Variants in PITPNC1 observed in about 807,000 individuals in gnomAD.
The protein encoded by PITPNC1 is phosphatidylinositol transfer protein cytoplasmic 1.
In PITPNC1, 18 loss-of-function variants were observed where a neutral mutation model predicts 44.7. The observed-to-expected ratio is 0.40, with a 90% CI of 0.28 to 0.60. The LOEUF is 0.60. PITPNC1 is among the 20% of genes least tolerant of loss of function. The pLI, the probability that PITPNC1 is intolerant of heterozygous loss-of-function variation, is 0.39. For synonymous variants in PITPNC1, 141 were observed against 149.6 expected (o/e 0.94, Z 0.42); for missense variants, 290 against 418.4 (o/e 0.69, Z 2.68).
At chr17:67,543,372 T>C (rs2040634678) in intron 2 of PITPNC1, among the ~76,000 whole-genome samples, 1 of 152,206 alleles carries the variant, frequency 6.6e-6, no homozygotes, top group African/African-American at 2.4e-5. Context: ...TACCAGTGAA[T>C]GGGAGAAAGG....
intron 2 of PITPNC1, among the ~76,000 whole-genome samples, chr17:67,536,099 A>G (rs1015883479): frequency 1.3e-5 from 2 of 152,242 alleles, no homozygotes; most frequent in African/African-American, 2.4e-5. Context: ...GAAGAAATTG[A>G]TAAACAACTA....
intron 1 of PITPNC1, among the ~76,000 whole-genome samples, chr17:67,388,760 A>G (rs1430759074): frequency 6.6e-6 from 1 of 152,014 alleles, no homozygotes; most frequent in Admixed American, 6.6e-5. Flanking sequence ...AGCTGAGACT[A>G]CAGACTAGCA....
Position 67,472,928 on chromosome 17 carries a change from T to C in PITPNC1, c.49-59874T>C, listed in dbSNP as rs541344151. 4.6e-5 allele frequency among the ~76,000 whole-genome samples: 7 copies of C among 151,572 alleles called. 1 individual carries two copies. The East Asian group carries it at 9.8e-4, about 21-fold the overall frequency. On this transcript the variant is annotated intron_variant, in intron 1 of 8. Coordinates refer to ENST00000581322, the MANE Select transcript of PITPNC1 (RefSeq NM_012417.4). ...TCTTGCTCTGTAGCCCAGGCTGGAG[T>C]GCAGTGGCCTGATCTCGGCTCACTG...
intron 1 of PITPNC1, among the ~76,000 whole-genome samples, chr17:67,392,449 G>C (rs1254077320): frequency 3.1e-4 from 47 of 152,072 alleles, no homozygotes; most frequent in Non-Finnish European, 5.9e-5. Context: ...TCGCCATGTT[G>C]CCCAGGCTGG....
chr17:67,644,398 C>G (rs2042123458), intron 6 of PITPNC1, among the ~76,000 whole-genome samples: 1 of 150,916 alleles, frequency 6.6e-6, no homozygotes, highest in South Asian at 2.1e-4. Context: ...TTCTTCAGTT[C>G]CATCTCATGG....
Position 67,534,640 on chromosome 17 carries a change from A to G in PITPNC1, c.197+1690A>G, listed in dbSNP as rs190006076. Among the ~76,000 whole-genome samples the G allele has an allele frequency of 2.6e-5, 4 of 151,244 alleles. No individual in the cohort carries two copies. In the East Asian group the frequency reaches 7.7e-4, roughly 29 times the overall value. ...GGTGACACAGTGAGACCTTGTCTCA[A>G]AAAAAAAGAAAAGAAAAGAAAAGAA... On this transcript the variant is annotated intron_variant, in intron 2 of 8. Coordinates refer to ENST00000581322, the MANE Select transcript of PITPNC1 (RefSeq NM_012417.4).
At chr17:67,610,805 C>T (rs2041677413) in intron 5 of PITPNC1, among the ~76,000 whole-genome samples, 1 of 151,768 alleles carries the variant, frequency 6.6e-6, no homozygotes, top group South Asian at 2.1e-4. Flanking sequence ...CCTGTAGTCC[C>T]AGCTACTCGG....
chr17:67,595,473 G>A lies in PITPNC1; in HGVS notation c.366+17216G>A, dbSNP rs904547789. Among the ~76,000 whole-genome samples, 54 of 150,076 alleles carry A rather than the reference G, an allele frequency of 3.6e-4. 1 individual carries two copies. Among genetic ancestry groups the A allele is most frequent in the African/African-American group, 1.3e-3 (54 of 40,778 alleles). On this transcript the variant is annotated intron_variant, in intron 5 of 8. Transcript: ENST00000581322. ...TTTAGTTTTTTTTTTTTTTTAATGT[G>A]GGGCAAGGGGATAATAGGAGCTGAG...
At chr17:67,528,307 G>A (rs1283343114) in intron 1 of PITPNC1, among the ~76,000 whole-genome samples, 1 of 152,234 alleles carries the variant, frequency 6.6e-6, no homozygotes, top group Non-Finnish European at 1.5e-5. Flanking sequence ...CTCCCAAAGT[G>A]CTGGAATTAC....
chr17:67,593,070 C>T (rs1243991631), intron 5 of PITPNC1, among the ~76,000 whole-genome samples: 1 of 152,042 alleles, frequency 6.6e-6, no homozygotes, highest in Admixed American at 6.6e-5. Context: ...TGGATCCCTA[C>T]CTCACTCCAT....
At chr17:67,390,980 C>T (rs905850805) in intron 1 of PITPNC1, among the ~76,000 whole-genome samples, 10 of 151,952 alleles carry the variant, frequency 6.6e-5, no homozygotes, top group Admixed American at 5.9e-4. Context: ...CCTCATCGGA[C>T]GTTAGTGGAA....
intron 5 of PITPNC1, among the ~76,000 whole-genome samples, chr17:67,625,662 G>A (rs904154864): frequency 6.6e-6 from 1 of 152,072 alleles, no homozygotes; most frequent in African/African-American, 2.4e-5. Context: ...ACTGCTCCGT[G>A]GCAGCCCCTC....
At chr17:67,582,208 T>TA (rs1268882974) in intron 5 of PITPNC1, among the ~76,000 whole-genome samples, 1 of 152,200 alleles carries the variant, frequency 6.6e-6, no homozygotes, top group Non-Finnish European at 1.5e-5. Flanking sequence ...AGGAGTGTGC[T>TA]GGTGTGCTCT....
At chr17:67,384,667 T>G (rs1886755275) in intron 1 of PITPNC1, among the ~76,000 whole-genome samples, 1 of 152,112 alleles carries the variant, frequency 6.6e-6, no homozygotes, top group Non-Finnish European at 1.5e-5. Flanking sequence ...CCTCGTGATC[T>G]GCCCGCCTCG....
intron 7 of PITPNC1, among the ~76,000 whole-genome samples, chr17:67,671,565 TCTTGAA>T (rs1260754049): frequency 2.6e-5 from 4 of 152,178 alleles, no homozygotes; most frequent in African/African-American, 4.8e-5. Flanking sequence ...ACTGCCAGTC[TCTTGAA>T]CCCTCATAAC....
chr17:67,411,902 T>G (rs1345683929), intron 1 of PITPNC1, among the ~76,000 whole-genome samples: 1 of 151,860 alleles, frequency 6.6e-6, no homozygotes, highest in African/African-American at 2.4e-5. Flanking sequence ...GAGAGGGGAG[T>G]GGCAGAGCCA....
At chr17:67,492,932 G>A (rs577165477) in intron 1 of PITPNC1, among the ~76,000 whole-genome samples, 8 of 152,124 alleles carry the variant, frequency 5.3e-5, no homozygotes, top group Non-Finnish European at 7.4e-5. Context: ...TTGGGGCTAC[G>A]ACAAAGAGTG....
intron 7 of PITPNC1, among the ~76,000 whole-genome samples, chr17:67,670,904 A>G (rs2042502212): frequency 6.6e-6 from 1 of 152,030 alleles, no homozygotes; most frequent in Non-Finnish European, 1.5e-5. Context: ...TTGTTTTGAG[A>G]CGGAGTCTCA....
intron 2 of PITPNC1, among the ~76,000 whole-genome samples, chr17:67,538,722 TA>T (rs1237137221): frequency 6.6e-6 from 1 of 151,644 alleles, no homozygotes; most frequent in Non-Finnish European, 1.5e-5. Flanking sequence ...ACTAATTAAA[TA>T]AAAAATAAAT....
Sources: allele counts gnomAD v4.1 joint callset (sites outside exome capture counted in the v4.1 genomes callset), GRCh38; gene constraint gnomAD v4.1.1; transcripts MANE v1.5; gene names NCBI Gene and HGNC (gene_info 2026-07-23, HGNC 2026-07-21).